SLC35F4: variants seen among roughly 807,000 people sequenced by gnomAD.
The protein encoded by SLC35F4 is chromosome 14 open reading frame 36.
In SLC35F4, 24 loss-of-function variants were observed where a neutral mutation model predicts 44.2. The ratio of observed to expected loss-of-function variants is 0.54; its 90% CI spans 0.39 to 0.76. SLC35F4 has a LOEUF of 0.76. Ranked by LOEUF, SLC35F4 falls within the 30% of genes least tolerant of loss-of-function variation. SLC35F4 has a pLI of 0.00. For missense variants in SLC35F4, 562 were observed against 586.1 expected (o/e 0.96, Z 0.42); for synonymous variants, 238 against 223.6 (o/e 1.06, Z -0.57).
chr14:57,907,877 C>T (rs1889135166), intron 1 of SLC35F4, among the ~76,000 whole-genome samples: 1 of 151,976 alleles, frequency 6.6e-6, no homozygotes, highest in Non-Finnish European at 1.5e-5. Flanking sequence ...AGGGTTGTTA[C>T]ATAAGTATAT....
intron 1 of SLC35F4, among the ~76,000 whole-genome samples, chr14:57,958,637 G>A (rs185146797): frequency 2.6e-5 from 4 of 152,254 alleles, no homozygotes; most frequent in African/African-American, 9.6e-5. Context: ...CTTTAAAAGG[G>A]TGAGTGTTAT....
intron 1 of SLC35F4, among the ~76,000 whole-genome samples, chr14:57,832,231 T>C (rs1884451595): frequency 7.3e-6 from 1 of 136,678 alleles, no homozygotes; most frequent in Non-Finnish European, 1.6e-5. Flanking sequence ...TAGCCACACC[T>C]CTGCCTTCCG....
At chr14:57,844,310 A>C (rs1885786853) in intron 1 of SLC35F4, among the ~76,000 whole-genome samples, 1 of 152,184 alleles carries the variant, frequency 6.6e-6, no homozygotes, top group Non-Finnish European at 1.5e-5. Context: ...TCCATGTGAT[A>C]GAGGTCTTAA....
At chr14:57,783,863 T>C (rs901266772) in intron 1 of SLC35F4, among the ~76,000 whole-genome samples, 1 of 152,112 alleles carries the variant, frequency 6.6e-6, no homozygotes, top group African/African-American at 2.4e-5. Context: ...AGATATTCTA[T>C]GAAAGATTGT....
chr14:57,888,297 T>C (rs1888693912), intron 1 of SLC35F4, among the ~76,000 whole-genome samples: 1 of 152,168 alleles, frequency 6.6e-6, no homozygotes, highest in South Asian at 2.1e-4. Flanking sequence ...CACACACTTG[T>C]TTCAGCTAGC....
At chr14:57,866,124 C>T, upstream of SLC35F4, 1 of 187,332 alleles carries the variant, frequency 5.3e-6, no homozygotes, top group Non-Finnish European at 1.1e-5. Flanking sequence ...CCCACCGTGG[C>T]CGGGGGCGGG....
chr14:57,590,197 T>TTAGC (rs2070074339), intron 2 of SLC35F4, among the ~76,000 whole-genome samples: 1 of 144,992 alleles, frequency 6.9e-6, no homozygotes, highest in Non-Finnish European at 1.5e-5. Context: ...CAAGACCAGC[T>TTAGC]TGGCCAAGAA....
chr14:57,907,187 A>T (rs1305446490), intron 1 of SLC35F4, among the ~76,000 whole-genome samples: 1 of 152,300 alleles, frequency 6.6e-6, no homozygotes, highest in African/African-American at 2.4e-5. Context: ...CCTGGACTCA[A>T]GTGATGATCA....
At chr14:57,887,634 G>T (rs1441382180) in intron 1 of SLC35F4, among the ~76,000 whole-genome samples, 1 of 152,118 alleles carries the variant, frequency 6.6e-6, no homozygotes, top group Non-Finnish European at 1.5e-5. Flanking sequence ...TGAGAGAGCT[G>T]GAATTTTGGG....
chr14:57,740,926 AGCT>A (rs2076590232), intron 1 of SLC35F4, among the ~76,000 whole-genome samples: 1 of 152,182 alleles, frequency 6.6e-6, no homozygotes, highest in African/African-American at 2.4e-5. Flanking sequence ...TCTGAGACGA[AGCT>A]GCTGTTGTGC....
rs377003657 is a variant in SLC35F4 at position 57,566,608 on chromosome 14, C to T, written c.1127-44G>A. On this transcript the variant is annotated intron_variant, in intron 6 of 7. Coordinates refer to ENST00000556826, the MANE Select transcript of SLC35F4 (RefSeq NM_001306087.2). ...AATGCAAGATGAAAGAGAAATAATA[C>T]GCTGGACTTTTTTCTCCTTATAGTA... The T allele has an allele frequency of 5.4e-5, 82 of 1,532,292 alleles. 2 individuals are homozygous for T. The African/African-American group carries it at 6.2e-4, about 12-fold the overall frequency. 94.9% of individuals were successfully genotyped at this position (1,532,292 alleles called of 1,614,324 possible).
chr14:57,643,952 C>A (rs1330642705), intron 1 of SLC35F4, among the ~76,000 whole-genome samples: 2 of 152,058 alleles, frequency 1.3e-5, no homozygotes, highest in Non-Finnish European at 2.9e-5. Flanking sequence ...TGAACTCATC[C>A]TTGTTTATGG....
chr14:57,791,585 A>T lies in SLC35F4; in HGVS notation c.103+74138T>A, dbSNP rs549436716. 1.7e-3 allele frequency among the ~76,000 whole-genome samples: 263 copies of T among 152,326 alleles called. 2 individuals carry two copies. The highest frequency in any genetic ancestry group is 6.8e-3 in the Middle Eastern group (2 of 294). On this transcript the variant is annotated intron_variant, in intron 1 of 7. Coordinates refer to ENST00000556826, the MANE Select transcript of SLC35F4 (RefSeq NM_001306087.2). ...ACGACAGTGTGGTGATTCCTCAAGG[A>T]TCTAGAACTAGAAATACCATTTGAC...
At chr14:57,773,400 G>C (rs564927541) in intron 1 of SLC35F4, among the ~76,000 whole-genome samples, 2 of 152,288 alleles carry the variant, frequency 1.3e-5, no homozygotes, top group East Asian at 3.9e-4. Context: ...ATTCCATTGA[G>C]ATCTTACAGT....
intron 3 of SLC35F4, among the ~76,000 whole-genome samples, chr14:57,585,942 C>G (rs904161099): frequency 1.9e-4 from 29 of 152,206 alleles, no homozygotes; most frequent in Admixed American, 5.2e-4. Flanking sequence ...ATCAAGCTAT[C>G]ATTGACTTTC....
In SLC35F4 at chr14:57,955,613, T is replaced by C. The variant is rs528874216; in HGVS notation, n.282+26300A>G. 3.9e-5 allele frequency among the ~76,000 whole-genome samples: 6 copies of C among 152,320 alleles called. No individual in the cohort carries two copies. The East Asian group carries it at 1.2e-3, about 29-fold the overall frequency. ...AAAGTCTCAGGATACAAAATCAATG[T>C]GCAAAAATCACAAGCATTCCTATAC... On this transcript the variant is annotated intron_variant and non_coding_transcript_variant, in intron 1 of 1. Coordinates refer to the SLC35F4 transcript ENST00000556568.
chr14:57,976,277 C>T (rs1173201043), downstream of SLC35F4, among the ~76,000 whole-genome samples: 1 of 152,152 alleles, frequency 6.6e-6, no homozygotes, highest in Non-Finnish European at 1.5e-5. Context: ...TCTAGGTCTG[C>T]GCTACTTGAA....
intron 1 of SLC35F4, among the ~76,000 whole-genome samples, chr14:57,887,429 T>C (rs1888672909): frequency 6.6e-6 from 1 of 152,202 alleles, no homozygotes; most frequent in South Asian, 2.1e-4. Flanking sequence ...GCAACCATCC[T>C]ACTGAACCCG....
At chr14:57,869,571 C>G (rs1245583009), upstream of SLC35F4, among the ~76,000 whole-genome samples, 4 of 152,156 alleles carry the variant, frequency 2.6e-5, no homozygotes, top group African/African-American at 4.8e-5. Context: ...TTTTTCCCCT[C>G]TGGGAAATTA....
Sources: gnomAD v4.1 joint callset for allele counts (sites outside exome capture counted in the v4.1 genomes callset) on GRCh38, gnomAD v4.1.1 for gene constraint, MANE v1.5 for transcripts, NCBI Gene and HGNC (gene_info 2026-07-23, HGNC 2026-07-21) for gene names.